Variants in DLG4 observed in about 807,000 individuals in gnomAD.
DLG4 encodes the protein discs large MAGUK scaffold protein 4, also known as disks large homolog 4.
DLG4 carries 7 observed loss-of-function variants against 93.8 expected under a neutral mutation model. The observed-to-expected ratio is 0.07, with a 90% CI of 0.04 to 0.14. The LOEUF (loss-of-function observed/expected upper bound fraction) is 0.14. Ranked by LOEUF, DLG4 falls within the 10% of genes least tolerant of loss-of-function variation. The pLI is 1.00. For synonymous variants in DLG4, 341 were observed against 387.6 expected (o/e 0.88, Z 1.41); for missense variants, 545 against 992.9 (o/e 0.55, Z 6.06).
At chr17:7,201,261 C>A (rs1354931857) in intron 8 of DLG4, among the ~76,000 whole-genome samples, 3 of 152,180 alleles carry the variant, frequency 2.0e-5, no homozygotes, top group African/African-American at 7.2e-5. Flanking sequence ...ATAGAGATAA[C>A]TTTTGTTTTT....
intron 17 of DLG4, among the ~76,000 whole-genome samples, chr17:7,192,600 G>A (rs1257546310): frequency 2.0e-5 from 3 of 151,720 alleles, no homozygotes; most frequent in Middle Eastern, 3.4e-3. Flanking sequence ...GAGGGCCAGC[G>A]GGGAGTCAGG....
At chr17:7,205,451 CAT>C (rs1280300432) in intron 2 of DLG4, among the ~76,000 whole-genome samples, 1 of 152,132 alleles carries the variant, frequency 6.6e-6, no homozygotes, top group South Asian at 2.1e-4. Flanking sequence ...CTTAAAGAAA[CAT>C]GTATTTGCAG....
upstream of DLG4, chr17:7,219,319 A>C: frequency 1.2e-6 from 1 of 868,804 alleles, no homozygotes; most frequent in East Asian, 1.0e-4. Flanking sequence ...TCTGGAAGGA[A>C]CAGAGGGCAA....
At position 7,193,413 on chromosome 17, in the gene DLG4, C is replaced by A; in HGVS notation, c.1693+70G>T. 7.0e-7 allele frequency: 1 copy of A among 1,429,408 alleles called. No individual in the cohort carries two copies. The highest frequency in any genetic ancestry group is 9.3e-7 in the Non-Finnish European group (1 of 1,070,086). The allele number at this position is 1,429,408 out of a possible 1,614,324, so 88.5% of individuals were successfully genotyped here. On this transcript the variant is annotated intron_variant, in intron 16 of 19. Transcript: ENST00000399506. This position sits in a 1 kb window ranked among gnomAD's most constrained non-coding sequence, Gnocchi z 6.7. ...TCCCCCAGGAGGCTCTGCCTATGGC[C>A]CCAGGGATGGGCCTCCCCTGCCCCA...
rs1177735861 is a variant in DLG4 at position 7,189,669 on chromosome 17, A to G, written c.*1039T>C. ...GGACTAAGTCTGCAGGGCCCCAGAC[A>G]AGTTCCAGCCTCCCCTTTCTGGCCT... is the stretch of plus-strand genomic sequence containing the variant. On this transcript the variant is annotated 3_prime_UTR_variant, in exon 20 of 20. Coordinates refer to ENST00000399506, the MANE Select transcript of DLG4 (RefSeq NM_001321075.3). Among the ~76,000 whole-genome samples, 2 of 152,148 alleles carry G rather than the reference A, an allele frequency of 1.3e-5. No homozygotes were observed. Among genetic ancestry groups the G allele is most frequent in the African/African-American group, 4.8e-5 (2 of 41,442 alleles).
Position 7,196,826 on chromosome 17 carries a change from G to A in DLG4, c.1014C>T (p.Ile338=), listed in dbSNP as rs1185167380. 3 of 1,613,150 alleles carry A rather than the reference G, an allele frequency of 1.9e-6. No homozygotes were observed. Among genetic ancestry groups the A allele is most frequent in the African/African-American group, 1.3e-5 (1 of 74,886 alleles). ...CAGGGCCCCCGGCCAGGATAAAGGA[G>A]ATGAAGATGCCTTCACCGTCCTCGC... ...VGGEDGEGIF[I]SFILAGGPAD... The change falls in exon 9 of 20, where the codon ATC becomes ATT. Residue 338 remains isoleucine (I), a synonymous_variant. Coordinates refer to ENST00000399506, the MANE Select transcript of DLG4 (RefSeq NM_001321075.3). This position sits in a 1 kb window ranked among gnomAD's most constrained non-coding sequence, Gnocchi z 8.3.
chr17:7,193,044 C>T lies in DLG4; in HGVS notation c.1767G>A (p.Met589Ile), dbSNP rs998129755. 6.2e-7 allele frequency: 1 copy of T among 1,613,686 alleles called. No homozygotes were observed. The highest frequency in any genetic ancestry group is 8.5e-7 in the Non-Finnish European group (1 of 1,179,800). Residue 589 changes from methionine (M) to isoleucine (I), a missense_variant, in exon 17 of 20, where the codon ATG becomes ATA. Around this residue, in one of 5 missense-constraint regions of DLG4, gnomAD observed 428 missense variants for 741.4 expected, o/e 0.58. Coordinates refer to ENST00000399506, the MANE Select transcript of DLG4 (RefSeq NM_001321075.3). The surrounding 1 kb of genome is among the most constrained non-coding windows in gnomAD (Gnocchi z 6.7). ...ACTTGTGCGCCTGAATGTCCTTCTC[C>T]ATTTTCTCCCGGGACGACACAAAGT... is the stretch of plus-strand genomic sequence containing the variant. ...DYHFVSSREK[M>I]EKDIQAHKFI...
Position 7,187,849 on chromosome 17 carries a change from ACCTG to A in DLG4, c.*2855_*2858del, listed in dbSNP as rs2069333975. On this transcript the variant is annotated 3_prime_UTR_variant, in exon 20 of 20. Coordinates refer to ENST00000399506, the MANE Select transcript of DLG4 (RefSeq NM_001321075.3). ...TTTGGGAGGCCAAGGCGGGCAGATC[ACCTG>A]AGGTCAAGAGTTTGAGACCAGCTTG... Among the ~76,000 whole-genome samples the A allele has an allele frequency of 6.6e-6, 1 of 152,126 alleles. No homozygotes were observed. Among genetic ancestry groups the A allele is most frequent in the Non-Finnish European group, 1.5e-5 (1 of 68,026 alleles).
In DLG4 at chr17:7,208,356, G is replaced by A. The variant is rs1446887121; in HGVS notation, c.31-117C>T. The A allele has an allele frequency of 1.1e-6, 1 of 888,676 alleles. No individual in the cohort carries two copies. The highest frequency in any genetic ancestry group is 1.5e-6 in the Non-Finnish European group (1 of 650,100). 55.0% of individuals were successfully genotyped at this position (888,676 alleles called of 1,614,324 possible). ...TGCAGTGCGGAAGGCCCTGGGGCCT[G>A]ACCAGCTCCTCCCCCTCCCTCTCCT... On this transcript the variant is annotated intron_variant, in intron 1 of 19. Transcript: ENST00000399506. The surrounding 1 kb of genome is among the most constrained non-coding windows in gnomAD (Gnocchi z 5.4).
chr17:7,199,262 C>T (rs541400386), intron 8 of DLG4, among the ~76,000 whole-genome samples: 1 of 151,662 alleles, frequency 6.6e-6, no homozygotes, highest in Admixed American at 6.6e-5. Context: ...TGCAGTGGTG[C>T]GATCTTGGCT....
In DLG4 at chr17:7,193,360, A is replaced by G; in HGVS notation, c.1693+123T>C. 2 of 1,116,414 alleles carry G rather than the reference A, an allele frequency of 1.8e-6. No individual in the cohort carries two copies. Among genetic ancestry groups the G allele is most frequent in the Non-Finnish European group, 2.5e-6 (2 of 798,882 alleles). 69.2% of individuals were successfully genotyped at this position (1,116,414 alleles called of 1,614,324 possible). ...GTGGCTGAGAAGCACCCCTTCTCGGAGAAACCCTGTATCTCCCTACACACC... is the reference window on the plus strand; with the variant it reads ...GTGGCTGAGAAGCACCCCTTCTCGGGGAAACCCTGTATCTCCCTACACACC... On this transcript the variant is annotated intron_variant, in intron 16 of 19. Coordinates refer to ENST00000399506, the MANE Select transcript of DLG4 (RefSeq NM_001321075.3). This position sits in a 1 kb window ranked among gnomAD's most constrained non-coding sequence, Gnocchi z 6.7.
chr17:7,211,022 G>C (rs1480374724), intron 1 of DLG4, among the ~76,000 whole-genome samples: 1 of 151,168 alleles, frequency 6.6e-6, no homozygotes, highest in African/African-American at 2.4e-5. Flanking sequence ...ACAAGAAATG[G>C]GTGCCAGGGT....
intron 2 of DLG4, 187 bp downstream of exon 2, chr17:7,207,985 GCT>G: frequency 7.3e-6 from 8 of 1,089,276 alleles, no homozygotes; most frequent in Non-Finnish European, 9.2e-6. Context: ...CCTCCCCACG[GCT>G]CTCTCTCACC....
chr17:7,196,256 G>T lies in DLG4; in HGVS notation c.1265C>A (p.Ser422Tyr). The T allele has an allele frequency of 6.2e-7, 1 of 1,613,984 alleles. No homozygotes were observed. Among genetic ancestry groups the T allele is most frequent in the South Asian group, 1.1e-5 (1 of 91,084 alleles). Residue 422 changes from serine (S) to tyrosine (Y), a missense_variant, in exon 11 of 20, where the codon TCC becomes TAC. Coordinates refer to ENST00000399506, the MANE Select transcript of DLG4 (RefSeq NM_001321075.3). The surrounding 1 kb of genome is among the most constrained non-coding windows in gnomAD (Gnocchi z 8.3). The part of the protein sequence containing the change: ...MNSSLGSGTA[S>Y]LRSNPKRGFY... ...ACCCCTTTTGGGGTTGCTCCGCAGG[G>T]ACGCAGTCCCTGAGCCCAGGCTGCT... is the stretch of plus-strand genomic sequence containing the variant.
chr17:7,211,555 G>A, intron 1 of DLG4: 1 of 372,302 alleles, frequency 2.7e-6, no homozygotes, highest in Non-Finnish European at 3.7e-6. Context: ...CAGAGACCCC[G>A]CACCAAGCAG....
At position 7,195,013 on chromosome 17, in the gene DLG4, C is replaced by T. The variant is rs1163863377; in HGVS notation, c.1302-518G>A. Among the ~76,000 whole-genome samples, 3 of 142,738 alleles carry T rather than the reference C, an allele frequency of 2.1e-5. No homozygotes were observed. The highest frequency in any genetic ancestry group is 2.0e-4 in the East Asian group (1 of 4,958). The allele number at this position is 142,738 out of a possible 152,430, so 93.6% of individuals were successfully genotyped here. A position where few individuals can be genotyped will look rare whatever the true frequency, so the allele number is the denominator to read the frequency against. ...CAGCCTGGGCAACGGAGCGAGACAC[C>T]GTCTCAAAAAAAAAAAAAAAGAAAA... On this transcript the variant is annotated intron_variant, in intron 11 of 19. Coordinates refer to ENST00000399506, the MANE Select transcript of DLG4 (RefSeq NM_001321075.3). The surrounding 1 kb of genome is among the most constrained non-coding windows in gnomAD (Gnocchi z 4.3).
At position 7,203,889 on chromosome 17, in the gene DLG4, G is replaced by C. The variant is rs2070303697; in HGVS notation, c.211-73C>G. 1.3e-6 allele frequency: 2 copies of C among 1,596,844 alleles called. No individual in the cohort carries two copies. The highest frequency in any genetic ancestry group is 1.3e-5 in the African/African-American group (1 of 74,498). ...TGGCAAGGCAAGTGGGGTGGGAAAT[G>C]GCTTGGAGCAGCCAGAGGAGGAAGG... is the stretch of plus-strand genomic sequence containing the variant. On this transcript the variant is annotated intron_variant, in intron 4 of 19. Transcript: ENST00000399506. This position sits in a 1 kb window ranked among gnomAD's most constrained non-coding sequence, Gnocchi z 7.2.
rs2142810471 is a variant in DLG4 at position 7,191,542 on chromosome 17, C to T, written c.1977-184G>A. ...CCCCCACCCCCCTGCCACCCGCAAC[C>T]GCCCCAGCCAGGTGTGGCTACTCCA... On this transcript the variant is annotated intron_variant, in intron 18 of 19. Transcript: ENST00000399506. The surrounding 1 kb of genome is among the most constrained non-coding windows in gnomAD (Gnocchi z 6.6). 3.2e-6 allele frequency: 2 copies of T among 624,790 alleles called. No homozygotes were observed. The highest frequency in any genetic ancestry group is 4.3e-4 in the Middle Eastern group (1 of 2,324). 38.7% of individuals were successfully genotyped at this position (624,790 alleles called of 1,614,324 possible). A position where few individuals can be genotyped will look rare whatever the true frequency, so the allele number is the denominator to read the frequency against.
Position 7,193,202 on chromosome 17 carries a change from G to A in DLG4, c.1694-85C>T. On this transcript the variant is annotated intron_variant, in intron 16 of 19. Coordinates refer to ENST00000399506, the MANE Select transcript of DLG4 (RefSeq NM_001321075.3). The surrounding 1 kb of genome is among the most constrained non-coding windows in gnomAD (Gnocchi z 6.7). Reference sequence around the variant, plus strand: ...TGCCTACTTCAATCAAATCCCCATAGTGCCCAGCTGGTCCTTTGGTGAAAG... The same window carrying A: ...TGCCTACTTCAATCAAATCCCCATAATGCCCAGCTGGTCCTTTGGTGAAAG... 1.3e-6 allele frequency: 2 copies of A among 1,551,566 alleles called. No homozygotes were observed. The highest frequency in any genetic ancestry group is 8.8e-7 in the Non-Finnish European group (1 of 1,139,254).
Sources: gnomAD v4.1 joint callset for allele counts (sites outside exome capture counted in the v4.1 genomes callset) on GRCh38, gnomAD v4.1.1 for gene constraint, gnomAD v4.1.1 regional missense constraint, Gnocchi (gnomAD v3.1) non-coding constraint, MANE v1.5 for transcripts, NCBI Gene and HGNC (gene_info 2026-07-23, HGNC 2026-07-21) for gene names.